Variants in ABCC6 observed in about 807,000 individuals in gnomAD.
ABCC6 encodes the protein ATP binding cassette subfamily C member 6, also known as ATP-binding cassette sub-family C member 6.
ABCC6 carries 126 observed loss-of-function variants against 169.5 expected under a neutral mutation model. The ratio of observed to expected loss-of-function variants is 0.74; its 90% CI spans 0.64 to 0.86. The LOEUF is 0.86. Ranked by LOEUF, ABCC6 falls within the 40% of genes least tolerant of loss-of-function variation. The pLI is 0.00. For missense variants in ABCC6, 1,733 were observed against 1,927.2 expected (o/e 0.90, Z 1.89); for synonymous variants, 752 against 814.7 (o/e 0.92, Z 1.31).
intron 5 of ABCC6, 114 bp downstream of exon 5, chr16:16,214,210 G>A (rs4780617): frequency 0.023 from 34,920 of 1,514,744 alleles, 589 homozygotes; most frequent in African/African-American, 0.04. Flanking sequence ...TAGAAATGTG[G>A]TACACTTTTT....
chr16:16,153,957 CT>C (rs958485255), intron 29 of ABCC6, among the ~76,000 whole-genome samples: 2 of 151,246 alleles, frequency 1.3e-5, no homozygotes, highest in Admixed American at 1.3e-4. Context: ...TTATGTGTAT[CT>C]TTCCACACAG....
intron 17 of ABCC6, among the ~76,000 whole-genome samples, chr16:16,180,911 A>T (rs532601717): frequency 1.3e-5 from 2 of 152,330 alleles, no homozygotes; most frequent in Admixed American, 1.3e-4. Flanking sequence ...TGCTCTCTTA[A>T]TGGATCCATC....
chr16:16,159,482 C>A lies in ABCC6; in HGVS notation c.3735G>T (p.Glu1245Asp), dbSNP rs281865557. 1.4e-5 allele frequency: 23 copies of A among 1,613,876 alleles called. No homozygotes were observed. The highest frequency in any genetic ancestry group is 1.9e-5 in the Non-Finnish European group (22 of 1,179,874). Residue 1245 changes from glutamate to aspartate, a missense_variant and splice_region_variant, in exon 26 of 31, where the codon GAG (glutamate) becomes GAT (aspartate). Physicochemically the swap from Glu to Asp is conservative, Grantham distance 45. Coordinates refer to ENST00000205557, the MANE Select transcript of ABCC6 (RefSeq NM_001171.6). ...RMQDYAWTPK[E>D]APWRLPTCAA... is the part of the protein sequence containing the mutation. ...CCCCTCCCCACCTCCCGCCCATCAC[C>A]TCCTTGGGCGTCCAGGCATAGTCCT... is the stretch of plus-strand genomic sequence containing the variant.
chr16:16,206,257 C>T (rs1301434114), intron 7 of ABCC6, among the ~76,000 whole-genome samples: 1 of 152,072 alleles, frequency 6.6e-6, no homozygotes, highest in Non-Finnish European at 1.5e-5. Flanking sequence ...GTGCAGATCT[C>T]ACAAATGATG....
chr16:16,183,146 A>G (rs2047536500), intron 15 of ABCC6, among the ~76,000 whole-genome samples: 1 of 152,144 alleles, frequency 6.6e-6, no homozygotes, highest in African/African-American at 2.4e-5. Flanking sequence ...GCACACATGC[A>G]TGCACATTTG....
At chr16:16,195,279 T>A (rs1485202154) in intron 10 of ABCC6, among the ~76,000 whole-genome samples, 1 of 151,142 alleles carries the variant, frequency 6.6e-6, no homozygotes, top group Non-Finnish European at 1.5e-5. Context: ...GCATTATCTA[T>A]GGATATCTTG....
In ABCC6 at chr16:16,169,628, A is replaced by G; in HGVS notation, c.2995+18T>C. 1 of 1,609,746 alleles carries G rather than the reference A, an allele frequency of 6.2e-7. No homozygotes were observed. The highest frequency in any genetic ancestry group is 8.5e-7 in the Non-Finnish European group (1 of 1,179,330). Reference sequence around the variant, plus strand: ...TGCAGCTGGGAGGAGAGGGATGAGGAGGGCAGGTGAGGCGTACCTTGGAGA... The same window carrying G: ...TGCAGCTGGGAGGAGAGGGATGAGGGGGGCAGGTGAGGCGTACCTTGGAGA... On this transcript the variant is annotated intron_variant, in intron 22 of 30. Coordinates refer to ENST00000205557, the MANE Select transcript of ABCC6 (RefSeq NM_001171.6).
intron 20 of ABCC6, 144 bp from the exon 21 acceptor site, chr16:16,173,548 T>C (rs2047178370): frequency 1.9e-6 from 2 of 1,041,876 alleles, no homozygotes; most frequent in Admixed American, 1.8e-5. Context: ...AACAGAATAC[T>C]GACCAGATAT....
chr16:16,192,409 G>A (rs1312086877), intron 11 of ABCC6, among the ~76,000 whole-genome samples: 1 of 152,164 alleles, frequency 6.6e-6, no homozygotes, highest in Non-Finnish European at 1.5e-5. Context: ...GGTTTGCATA[G>A]GTCTCCTCTG....
rs115650207 is a variant in ABCC6, at chr16:16,165,124, G to T, written c.3306+499C>A. ...AGGCTCTGGCCCTTAATATTTAACT[G>T]TGCCGTGGGGCACAGGGGCTCATGC... On this transcript the variant is annotated intron_variant, in intron 23 of 30. Coordinates refer to ENST00000205557, the MANE Select transcript of ABCC6 (RefSeq NM_001171.6). 4.4e-3 allele frequency among the ~76,000 whole-genome samples: 676 copies of T among 152,306 alleles called. 6 individuals carry two copies. The highest frequency in any genetic ancestry group is 0.015 in the African/African-American group (620 of 41,564).
rs759130313 is a variant in ABCC6 at position 16,182,464 on chromosome 16, T to C, written c.2195A>G (p.Gln732Arg). 6 of 1,614,196 alleles carry C rather than the reference T, an allele frequency of 3.7e-6. 1 individual carries two copies. In the Admixed American group the frequency reaches 5.0e-5, roughly 13 times the overall value. ...CTCAGGGAAGCTGTCCACATCTGGC[T>C]GCAGGGCACAGGCTTCTAGTACTCT... ...LERVLEACAL[Q>R]PDVDSFPEGI... Residue 732 changes from glutamine (Q) to arginine (R), a missense_variant, in exon 17 of 31, where the codon CAG becomes CGG. Around this residue, in one of 5 missense-constraint regions of ABCC6, gnomAD observed 1,601 missense variants for 1,635.5 expected, o/e 0.98. Coordinates refer to ENST00000205557, the MANE Select transcript of ABCC6 (RefSeq NM_001171.6).
At position 16,211,765 on chromosome 16, in the gene ABCC6, C is replaced by A. The variant is rs373849574; in HGVS notation, c.662+420G>T. Among the ~76,000 whole-genome samples, 7 of 152,270 alleles carry A rather than the reference C, an allele frequency of 4.6e-5. No individual in the cohort carries two copies. In the East Asian group the frequency reaches 1.4e-3, roughly 29 times the overall value. ...AGACACTTGCTCCTTTATCTCCTCA[C>A]CCCTGGGGCTTAGCACATAGTAGGT... is the stretch of plus-strand genomic sequence containing the variant. On this transcript the variant is annotated intron_variant, in intron 6 of 30. Transcript: ENST00000205557.
At chr16:16,180,737 C>T (rs554344535) in intron 17 of ABCC6, among the ~76,000 whole-genome samples, 1 of 152,258 alleles carries the variant, frequency 6.6e-6, no homozygotes, top group African/African-American at 2.4e-5. Flanking sequence ...GCAACCCTCC[C>T]GCCTTGGCTT....
rs55707615 is a variant in ABCC6 at position 16,190,116 on chromosome 16, G to A, written c.1635+48C>T. 493,415 of 1,596,030 alleles carry A rather than the reference G, an allele frequency of 0.31. 82,010 individuals carry two copies. The highest frequency in any genetic ancestry group is 0.53 in the South Asian group (48,109 of 90,754). On this transcript the variant is annotated intron_variant, in intron 12 of 30. Coordinates refer to ENST00000205557, the MANE Select transcript of ABCC6 (RefSeq NM_001171.6). Reference sequence around the variant, plus strand: ...CCTACCTCACCCTGCCCCCACCCCCGCACTCCTTCCCCAGTGCTGCTCAGC... The same window carrying A: ...CCTACCTCACCCTGCCCCCACCCCCACACTCCTTCCCCAGTGCTGCTCAGC...
chr16:16,188,340 C>A (rs1040383370), intron 13 of ABCC6, among the ~76,000 whole-genome samples: 1 of 150,644 alleles, frequency 6.6e-6, no homozygotes, highest in East Asian at 2.0e-4. Context: ...TGCAGTGAGC[C>A]GAGATTGCAC....
chr16:16,193,154 C>A (rs11864859), intron 10 of ABCC6, among the ~76,000 whole-genome samples: 1 of 152,090 alleles, frequency 6.6e-6, no homozygotes. Flanking sequence ...GTAAAGAAGG[C>A]GGCCAAATCC....
At chr16:16,150,887 G>A in intron 29 of ABCC6, 115 bp from the exon 30 acceptor site, 1 of 1,530,634 alleles carries the variant, frequency 6.5e-7, no homozygotes, top group Admixed American at 2.0e-5. Flanking sequence ...CCTGTGTTCA[G>A]GCATCCCCAC....
chr16:16,192,920 G>T lies in ABCC6; in HGVS notation c.1341C>A (p.Leu447=). ...TGGCAGTGAGGGCGGAGGGCCCCAG[G>T]AGCTGGGGATAGAAGGGGCAGGATG... ...IVVCFVYLWQ[L]LGPSALTAIA... Residue 447 remains leucine (L), a splice_region_variant and synonymous_variant, in exon 11 of 31, where the codon CTC becomes CTA. Coordinates refer to ENST00000205557, the MANE Select transcript of ABCC6 (RefSeq NM_001171.6). 1 of 1,613,922 alleles carries T rather than the reference G, an allele frequency of 6.2e-7. No individual in the cohort carries two copies. Among genetic ancestry groups the T allele is most frequent in the Non-Finnish European group, 8.5e-7 (1 of 1,179,858 alleles).
At chr16:16,183,214 C>T (rs900997963) in intron 15 of ABCC6, among the ~76,000 whole-genome samples, 3 of 152,190 alleles carry the variant, frequency 2.0e-5, no homozygotes, top group Non-Finnish European at 2.9e-5. Context: ...CGCATCCACA[C>T]ACACACAAGT....
Sources: gnomAD v4.1 joint callset for allele counts (sites outside exome capture counted in the v4.1 genomes callset) on GRCh38, gnomAD v4.1.1 for gene constraint, gnomAD v4.1.1 regional missense constraint, MANE v1.5 for transcripts, NCBI Gene and HGNC (gene_info 2026-07-23, HGNC 2026-07-21) for gene names.